Variants in PSD4 observed in about 807,000 individuals in gnomAD.
The protein encoded by PSD4 is pleckstrin and Sec7 domain containing 4.
Under a neutral mutation model 112.5 loss-of-function variants are expected in PSD4, and 59 were observed. The observed-to-expected ratio is 0.52, with a 90% CI of 0.43 to 0.65. The LOEUF is 0.65. PSD4 is among the 30% of genes least tolerant of loss of function. The pLI is 0.00. For missense variants in PSD4, 1,267 were observed against 1,352.6 expected (o/e 0.94, Z 0.99); for synonymous variants, 533 against 540.0 (o/e 0.99, Z 0.18).
rs1278640449 is a variant in PSD4, at chr2:113,207,176, G to A, written c.*5761G>A. On this transcript the variant is annotated 3_prime_UTR_variant, in exon 17 of 17. Coordinates refer to ENST00000245796, the MANE Select transcript of PSD4 (RefSeq NM_012455.3). ...AGTCTCCTGTAGCAGCCTGCCTTGG[G>A]CCGTGTGCCCATATCTGAGCCAGTC... 2.6e-5 allele frequency: 4 copies of A among 152,154 alleles called. No homozygotes were observed. Among genetic ancestry groups the A allele is most frequent in the Admixed American group, 2.0e-4 (3 of 15,280 alleles). The allele number at this position is 152,154 out of a possible 1,614,324, so 9.4% of individuals were successfully genotyped here.
rs1022101657 is a variant in PSD4 at position 113,201,145 on chromosome 2, C to T, written c.2914-13C>T. On this transcript the variant is annotated splice_polypyrimidine_tract_variant and intron_variant, in intron 16 of 16. Transcript: ENST00000245796. ...CAGGATGGTGCTAAGGTGGTGGGGCCTGTGTGTTGCAGAAAACCCGCTACG... is the reference window on the plus strand; with the variant it reads ...CAGGATGGTGCTAAGGTGGTGGGGCTTGTGTGTTGCAGAAAACCCGCTACG... 1.2e-6 allele frequency: 2 copies of T among 1,601,330 alleles called. No homozygotes were observed. Among genetic ancestry groups the T allele is most frequent in the Non-Finnish European group, 1.7e-6 (2 of 1,172,364 alleles).
chr2:113,197,731 C>T lies in PSD4; in HGVS notation c.2458-16C>T, dbSNP rs45531640. The T allele has an allele frequency of 2.0e-3, 3,158 of 1,607,136 alleles. 52 individuals carry two copies. The African/African-American group carries it at 0.038, about 19-fold the overall frequency. The stretch of plus-strand genomic sequence containing the variant: ...AGCTGATGATAACCTCTTCTCTGAG[C>T]CCCTGTGACTGGTAGCAGGGAGAAG... On this transcript the variant is annotated splice_polypyrimidine_tract_variant and intron_variant, in intron 13 of 16. Coordinates refer to ENST00000245796, the MANE Select transcript of PSD4 (RefSeq NM_012455.3).
chr2:113,192,549 G>T lies in PSD4; in HGVS notation c.1798G>T (p.Gly600Cys). The change falls in exon 6 of 17, where the codon GGC becomes TGC. Residue 600 changes from glycine (G) to cysteine (C), a missense_variant. Coordinates refer to ENST00000245796, the MANE Select transcript of PSD4 (RefSeq NM_012455.3). ...GGCCTCACGCCTCTATCGCCTGGAG[G>T]GCTTCCGGAAGTCTGAAGTGGCTGC... The part of the protein sequence containing the change: ...NLASRLYRLE[G>C]FRKSEVAAYL... 1.2e-6 allele frequency: 2 copies of T among 1,614,212 alleles called. No individual in the cohort carries two copies. The highest frequency in any genetic ancestry group is 1.7e-6 in the Non-Finnish European group (2 of 1,180,032).
rs1291034221 is a variant in PSD4 at position 113,208,771 on chromosome 2, C to G, written c.*7356C>G. 1 of 152,256 alleles carries G rather than the reference C, an allele frequency of 6.6e-6. No homozygotes were observed. Among genetic ancestry groups the G allele is most frequent in the Non-Finnish European group, 1.5e-5 (1 of 68,052 alleles). The allele number at this position is 152,256 out of a possible 1,614,324, so 9.4% of individuals were successfully genotyped here. A position where few individuals can be genotyped will look rare whatever the true frequency, so the allele number is the denominator to read the frequency against. On this transcript the variant is annotated 3_prime_UTR_variant, in exon 17 of 17. Coordinates refer to ENST00000245796, the MANE Select transcript of PSD4 (RefSeq NM_012455.3). Reference sequence around the variant, plus strand: ...TGCTCTGACCCTGAGTTGGACCCAGCTAGGAATTGTGACTTCAGTTACTAG... The same window carrying G: ...TGCTCTGACCCTGAGTTGGACCCAGGTAGGAATTGTGACTTCAGTTACTAG...
rs1361080005 is a variant in PSD4 at position 113,209,246 on chromosome 2, C to T, written c.*7831C>T. On this transcript the variant is annotated 3_prime_UTR_variant, in exon 17 of 17. Coordinates refer to ENST00000245796, the MANE Select transcript of PSD4 (RefSeq NM_012455.3). ...GCCGCCTACGGCCTGCTATACCACC[C>T]ATGGCATAGTTTCTGTGGTCTGATG... 6.6e-6 allele frequency: 1 copy of T among 152,224 alleles called. No individual in the cohort carries two copies. Among genetic ancestry groups the T allele is most frequent in the Non-Finnish European group, 1.5e-5 (1 of 68,050 alleles). 9.4% of individuals were successfully genotyped at this position (152,224 alleles called of 1,614,324 possible). A position where few individuals can be genotyped will look rare whatever the true frequency, so the allele number is the denominator to read the frequency against.
In PSD4 at chr2:113,193,904, A is replaced by G. The variant is rs542396014; in HGVS notation, c.2137A>G (p.Asn713Asp). Residue 713 changes from asparagine (N) to aspartate (D), a missense_variant, in exon 10 of 17, where the codon AAT becomes GAT. Coordinates refer to ENST00000245796, the MANE Select transcript of PSD4 (RefSeq NM_012455.3). ...MSCQEFITNL[N>D]GLRDGGNFPK... ...CTGCCAGGAATTCATAACCAACCTG[A>G]ATGGGCTGAGGGATGGCGGGAACTT... 1.9e-6 allele frequency: 3 copies of G among 1,614,084 alleles called. No individual in the cohort carries two copies. The African/African-American group carries it at 4.0e-5, about 22-fold the overall frequency.
chr2:113,193,023 C>T (rs776986978), intron 6 of PSD4, 25 bp from the exon 7 acceptor site: 2 of 1,607,432 alleles, frequency 1.2e-6, no homozygotes, highest in Non-Finnish European at 8.5e-7. Flanking sequence ...CTGGTGCAGA[C>T]TCCATGCCCC....
At chr2:113,185,303 C>CT in intron 3 of PSD4, 62 bp from the exon 4 acceptor site, 1 of 1,601,342 alleles carries the variant, frequency 6.2e-7, no homozygotes, top group Non-Finnish European at 8.6e-7. Context: ...TGCCTGGCCT[C>CT]TCCCCCATCC....
Position 113,199,004 on chromosome 2 carries a change from A to G in PSD4, c.2770-79A>G, listed in dbSNP as rs904998739. 3.3e-6 allele frequency: 5 copies of G among 1,509,812 alleles called. No individual in the cohort carries two copies. In the Admixed American group the frequency reaches 6.3e-5, roughly 19 times the overall value. The allele number at this position is 1,509,812 out of a possible 1,614,324, so 93.5% of individuals were successfully genotyped here. A position where few individuals can be genotyped will look rare whatever the true frequency, so the allele number is the denominator to read the frequency against. ...ACTTGGCCTGGGAACCGAGGCGGCC[A>G]GGGGGGCGGCGCGCCCGGGCCCGGA... On this transcript the variant is annotated intron_variant, in intron 15 of 16. Transcript: ENST00000245796.
chr2:113,192,705 A>G, intron 6 of PSD4, 116 bp downstream of exon 6: 2 of 1,089,224 alleles, frequency 1.8e-6, no homozygotes, highest in Non-Finnish European at 2.6e-6. Context: ...TTCCCTTCCC[A>G]TCTCCCCTCC....
chr2:113,193,689 G>A (rs759399730), intron 9 of PSD4, 39 bp downstream of exon 9: 1 of 1,594,470 alleles, frequency 6.3e-7, no homozygotes, highest in Admixed American at 1.7e-5. Flanking sequence ...AACTGAGGCT[G>A]TAACAAGGGG....
rs763858380 is a variant in PSD4, at chr2:113,196,297, C to A, written c.2376C>A (p.Asp792Glu). 5.0e-6 allele frequency: 8 copies of A among 1,613,148 alleles called. No homozygotes were observed. The change falls in exon 12 of 17, where the codon GAC becomes GAA. Residue 792 changes from aspartate to glutamate, a missense_variant. This residue lies in a region of PSD4 where 544 missense variants were observed against 648.6 expected (regional missense o/e 0.84). Transcript: ENST00000245796. ...CTCGGAAAATGCATCAAGATGCAGA[C>A]GGCAAGAAGAGTGAGTGTCTGCTGC... ...ILARKMHQDA[D>E]GKKTPWGKRG...
rs528681233 is a variant in PSD4, at chr2:113,195,139, AG to A, written c.2182-585del. 1.5e-4 allele frequency among the ~76,000 whole-genome samples: 22 copies of A among 151,202 alleles called. No individual in the cohort carries two copies. In the East Asian group the frequency reaches 3.7e-3, roughly 25 times the overall value. On this transcript the variant is annotated intron_variant, in intron 10 of 16. Transcript: ENST00000245796. ...AGGCCTCAGTAAGCATGGGCAGGAC[AG>A]GGACTTGTCTGCCCTGGTCATCATC... is the stretch of plus-strand genomic sequence containing the variant.
intron 4 of PSD4, 122 bp from the exon 5 acceptor site, chr2:113,185,755 A>C: frequency 6.5e-7 from 1 of 1,550,032 alleles, no homozygotes; most frequent in South Asian, 1.2e-5. Flanking sequence ...TGCCCGAGGG[A>C]GGACAGGGCA....
intron 13 of PSD4, 50 bp downstream of exon 13, chr2:113,197,684 C>T: frequency 6.2e-7 from 1 of 1,613,124 alleles, no homozygotes; most frequent in Non-Finnish European, 8.5e-7. Flanking sequence ...GAGAGAGGCC[C>T]AGAACAGTCT....
rs1018074830 is a variant in PSD4 at position 113,182,731 on chromosome 2, G to A, written c.275G>A (p.Arg92Gln). 16 of 1,600,008 alleles carry A rather than the reference G, an allele frequency of 1.0e-5. No homozygotes were observed. The highest frequency in any genetic ancestry group is 4.0e-5 in the African/African-American group (3 of 74,358). The change falls in exon 2 of 17, where the codon CGG (arginine) becomes CAG (glutamine). Residue 92 changes from arginine to glutamine, a missense_variant. Transcript: ENST00000245796. The part of the protein sequence containing the change: ...DGLEPCQEQT[R>Q]ATDPPESTRQ... ...CTGGAGCCTTGCCAGGAGCAAACCC[G>A]GGCCACTGACCCTCCTGAATCTACC... is the stretch of plus-strand genomic sequence containing the variant.
chr2:113,180,514 C>G (rs1409834227), intron 1 of PSD4, among the ~76,000 whole-genome samples: 1 of 152,164 alleles, frequency 6.6e-6, no homozygotes, highest in African/African-American at 2.4e-5. Flanking sequence ...CTGGACGAGG[C>G]CACCTGGGCT....
intron 16 of PSD4, 137 bp from the exon 17 acceptor site, chr2:113,201,021 C>G (rs1029937429): frequency 9.0e-7 from 1 of 1,104,980 alleles, no homozygotes. Flanking sequence ...CTGACACTCA[C>G]GGTTGGTCCA....
chr2:113,202,573 CT>C lies in PSD4; in HGVS notation c.*1159del, dbSNP rs1688802053. On this transcript the variant is annotated 3_prime_UTR_variant, in exon 17 of 17. Transcript: ENST00000245796. ...TGGCTGCCTCCCAGCTGGGCTTGTT[CT>C]CTGAGGGAGGTTCCGGAGACTCATG... is the stretch of plus-strand genomic sequence containing the variant. The C allele has an allele frequency of 6.6e-6, 1 of 152,614 alleles. No individual in the cohort carries two copies. Among genetic ancestry groups the C allele is most frequent in the Admixed American group, 6.5e-5 (1 of 15,294 alleles). 9.5% of individuals were successfully genotyped at this position (152,614 alleles called of 1,614,324 possible).
Sources: allele counts gnomAD v4.1 joint callset (sites outside exome capture counted in the v4.1 genomes callset), GRCh38; gene constraint gnomAD v4.1.1; regional missense constraint gnomAD v4.1.1; transcripts MANE v1.5; gene names NCBI Gene and HGNC (gene_info 2026-07-23, HGNC 2026-07-21).